Variants in FLT1 observed in about 807,000 individuals in gnomAD.
FLT1 encodes the protein vascular endothelial growth factor receptor 1.
A neutral mutation model predicts 156.3 loss-of-function variants in FLT1; 49 were observed. The observed-to-expected ratio is 0.31, with a 90% confidence interval of 0.25 to 0.40. The LOEUF (loss-of-function observed/expected upper bound fraction) is 0.40. Among genes scored for constraint, FLT1 ranks in the 10% least tolerant of loss-of-function variants. The pLI is 1.00. For missense variants in FLT1, 1,322 were observed against 1,637.2 expected (o/e 0.81, Z 3.32); for synonymous variants, 594 against 583.8 (o/e 1.02, Z -0.25).
chr13:28,366,413 C>T (rs1004013453), intron 14 of FLT1, among the ~76,000 whole-genome samples: 1 of 152,080 alleles, frequency 6.6e-6, no homozygotes, highest in African/African-American at 2.4e-5. Context: ...TCCCTTGATG[C>T]CTGGTTAACA....
chr13:28,471,502 C>G (rs1223583191), intron 1 of FLT1, among the ~76,000 whole-genome samples: 1 of 152,190 alleles, frequency 6.6e-6, no homozygotes, highest in Admixed American at 6.5e-5. Context: ...TTAGCATCTA[C>G]TGCATGCTAG....
At chr13:28,449,744 G>C (rs571995364) in intron 3 of FLT1, among the ~76,000 whole-genome samples, 4 of 152,314 alleles carry the variant, frequency 2.6e-5, no homozygotes, top group South Asian at 2.1e-4. Context: ...AATAAGAAGT[G>C]CCTCTTTCTA....
chr13:28,388,389 T>C, intron 13 of FLT1: 2 of 1,057,328 alleles, frequency 1.9e-6, no homozygotes, highest in Non-Finnish European at 2.3e-6. Flanking sequence ...AGTTGTCATA[T>C]TGTCACCTCC....
intron 11 of FLT1, among the ~76,000 whole-genome samples, chr13:28,401,165 G>T (rs1875410053): frequency 6.6e-6 from 1 of 152,200 alleles, no homozygotes; most frequent in South Asian, 2.1e-4. Flanking sequence ...AGCAGAGGTT[G>T]CAGTGAGCCG....
At position 28,357,616 on chromosome 13, in the gene FLT1, T is replaced by A. The variant is rs149011471; in HGVS notation, c.2186A>T (p.Tyr729Phe). 5 of 1,613,444 alleles carry A rather than the reference T, an allele frequency of 3.1e-6. No individual in the cohort carries two copies. The highest frequency in any genetic ancestry group is 1.7e-5 in the Admixed American group (1 of 60,012). The change falls in exon 15 of 30, where the codon TAT becomes TTT. Residue 729 changes from tyrosine to phenylalanine, a missense_variant. Physicochemically the swap from Tyr to Phe is conservative, Grantham distance 22. Around this residue, in one of 3 missense-constraint regions of FLT1, gnomAD observed 991 missense variants for 1,254.8 expected, o/e 0.79. Transcript: ENST00000282397. ...CTTCTGGTTGGTGGCTTTGCAGTGA[T>A]AGACACCTTCATCCTCTTCTGTGAC... ...ERVTEEDEGV[Y>F]HCKATNQKGS...
At chr13:28,351,748 G>A (rs970244615) in intron 15 of FLT1, among the ~76,000 whole-genome samples, 4 of 152,184 alleles carry the variant, frequency 2.6e-5, no homozygotes, top group African/African-American at 9.7e-5. Flanking sequence ...TTTTTCACAA[G>A]TTAAATCCTT....
chr13:28,401,528 TG>T (rs1228187077), intron 11 of FLT1, among the ~76,000 whole-genome samples: 3 of 152,232 alleles, frequency 2.0e-5, no homozygotes, highest in African/African-American at 7.2e-5. Context: ...TGGGCTGATG[TG>T]TCATTCAGCC....
chr13:28,311,856 T>C, intron 26 of FLT1, 124 bp from the exon 27 acceptor site: 7 of 1,146,420 alleles, frequency 6.1e-6, no homozygotes, highest in Non-Finnish European at 7.9e-6. Flanking sequence ...AAGATAATTC[T>C]GTATACACAC....
At chr13:28,355,301 A>G (rs1872860257) in intron 15 of FLT1, among the ~76,000 whole-genome samples, 1 of 152,188 alleles carries the variant, frequency 6.6e-6, no homozygotes, top group African/African-American at 2.4e-5. Flanking sequence ...GATTCTTACA[A>G]GGTTAATAGG....
chr13:28,303,436 C>A, intron 29 of FLT1, 68 bp from the exon 30 acceptor site: 2 of 1,385,000 alleles, frequency 1.4e-6, no homozygotes, highest in Non-Finnish European at 2.0e-6. Flanking sequence ...ACACTAAAAT[C>A]TACTCTTTCT....
rs1271828292 is a variant in FLT1 at position 28,319,509 on chromosome 13, G to A, written c.3200C>T (p.Ala1067Val). ...GATTTTGTCAAAGATAGATTCAGGA[G>A]CCATCCATTTCAGAGGAAGTCGAGT... is the stretch of plus-strand genomic sequence containing the variant. ...GDTRLPLKWM[A>V]PESIFDKIYS... Residue 1067 changes from alanine to valine, a missense_variant, in exon 24 of 30, where the codon GCT becomes GTT. Physicochemically the swap from Ala to Val is moderately conservative, Grantham distance 64. This residue lies in a region of FLT1 where 329 missense variants were observed against 366.2 expected (regional missense o/e 0.90). Coordinates refer to ENST00000282397, the MANE Select transcript of FLT1 (RefSeq NM_002019.4). 11 of 1,613,456 alleles carry A rather than the reference G, an allele frequency of 6.8e-6. No homozygotes were observed. The highest frequency in any genetic ancestry group is 1.7e-5 in the Admixed American group (1 of 60,012).
rs2387856 is a variant in FLT1, at chr13:28,438,329, G to A, written c.405C>T (p.Phe135=). The change falls in exon 4 of 30, where the codon TTC becomes TTT. Residue 135 remains phenylalanine, a synonymous_variant. Transcript: ENST00000282397. Reference sequence around the variant, plus strand: ...CGGGGATTTCACTGTACATCTCTACGAAAGGTCTACCTGTATCTGAATGAG... The same window carrying A: ...CGGGGATTTCACTGTACATCTCTACAAAAGGTCTACCTGTATCTGAATGAG... ...YIFISDTGRP[F]VEMYSEIPEI... is the part of the protein sequence containing the mutation. The A allele has an allele frequency of 6.4e-4, 1,032 of 1,609,816 alleles. 18 individuals carry two copies. The East Asian group carries it at 0.018, about 28-fold the overall frequency.
At chr13:28,427,001 G>A (rs966756061) in intron 10 of FLT1, among the ~76,000 whole-genome samples, 158 bp downstream of exon 10, 2 of 152,182 alleles carry the variant, frequency 1.3e-5, no homozygotes, top group Admixed American at 1.3e-4. Flanking sequence ...TAAGAAAGAA[G>A]AGTAGCTGTT....
intron 13 of FLT1, chr13:28,386,522 G>C: frequency 2.9e-6 from 3 of 1,051,048 alleles, no homozygotes; most frequent in Non-Finnish European, 3.4e-6. Flanking sequence ...AACTAGTGTA[G>C]AATGAATGAT....
chr13:28,418,163 A>T (rs1280482440), intron 10 of FLT1, among the ~76,000 whole-genome samples: 1 of 152,148 alleles, frequency 6.6e-6, no homozygotes, highest in African/African-American at 2.4e-5. Context: ...ATTAACTGTT[A>T]GTTAGACTTG....
chr13:28,360,135 G>A lies in FLT1; in HGVS notation c.2117-2450C>T, dbSNP rs540410919. The stretch of plus-strand genomic sequence containing the variant: ...AAAAAACAAGAAAAAAACCAAATGA[G>A]ATAGCACCTCACACCTATTAGATTA... On this transcript the variant is annotated intron_variant, in intron 14 of 29. Coordinates refer to ENST00000282397, the MANE Select transcript of FLT1 (RefSeq NM_002019.4). 6.6e-5 allele frequency among the ~76,000 whole-genome samples: 10 copies of A among 152,148 alleles called. No homozygotes were observed. The South Asian group carries it at 2.1e-3, about 32-fold the overall frequency.
intron 10 of FLT1, among the ~76,000 whole-genome samples, chr13:28,409,733 A>G (rs1876031217): frequency 6.6e-6 from 1 of 152,194 alleles, no homozygotes; most frequent in Admixed American, 6.5e-5. Context: ...CATAAGTAAC[A>G]TGATATCCAT....
rs1372318013 is a variant in FLT1 at position 28,466,773 on chromosome 13, G to T, written c.388+130C>A. 5.5e-6 allele frequency: 4 copies of T among 732,526 alleles called. No homozygotes were observed. The Admixed American group carries it at 8.0e-5, about 15-fold the overall frequency. 45.4% of individuals were successfully genotyped at this position (732,526 alleles called of 1,614,324 possible). ...ACATCCACGAAAGTGTCTACAACTA[G>T]GATGGAATCTCTTTCCTAACCCGTT... is the stretch of plus-strand genomic sequence containing the variant. On this transcript the variant is annotated intron_variant, in intron 3 of 29. Coordinates refer to ENST00000282397, the MANE Select transcript of FLT1 (RefSeq NM_002019.4).
chr13:28,368,952 G>C (rs1043679081), intron 14 of FLT1, among the ~76,000 whole-genome samples: 1 of 151,918 alleles, frequency 6.6e-6, no homozygotes, highest in Non-Finnish European at 1.5e-5. Context: ...TGATCCACCA[G>C]CCTCAGCCTC....
Sources: gnomAD v4.1 joint callset for allele counts (sites outside exome capture counted in the v4.1 genomes callset) on GRCh38, gnomAD v4.1.1 for gene constraint, gnomAD v4.1.1 regional missense constraint, MANE v1.5 for transcripts, NCBI Gene and HGNC (gene_info 2026-07-23, HGNC 2026-07-21) for gene names.